JMJD1C: variants seen among roughly 807,000 people sequenced by gnomAD.
The protein encoded by JMJD1C is jumonji domain containing 1C, also known as jumonji domain-containing protein 1C.
JMJD1C carries 31 observed loss-of-function variants against 245.3 expected under a neutral mutation model. The ratio of observed to expected loss-of-function variants is 0.13; its 90% CI spans 0.09 to 0.17. The LOEUF (loss-of-function observed/expected upper bound fraction) is 0.17. Ranked by LOEUF, JMJD1C falls within the 10% of genes least tolerant of loss-of-function variation. The pLI, the probability that JMJD1C is intolerant of heterozygous loss-of-function variation, is 1.00. For missense variants in JMJD1C, 2,691 were observed against 3,000.2 expected, an observed-to-expected ratio of 0.90 and a Z score of 2.41; for synonymous variants, 1,057 against 1,017.4, an observed-to-expected ratio of 1.04 and a Z score of -0.74.
At chr10:63,169,977 TAC>T (rs758658159) in intron 24 of JMJD1C, among the ~76,000 whole-genome samples, 1 of 152,160 alleles carries the variant, frequency 6.6e-6, no homozygotes, top group Non-Finnish European at 1.5e-5. Flanking sequence ...CATACCAGCA[TAC>T]AGAGTCTCCA....
chr10:63,305,459 C>CCTCTCTCT (rs371564275), intron 2 of JMJD1C, among the ~76,000 whole-genome samples: 3,128 of 112,986 alleles, frequency 0.028, 175 homozygotes, highest in Non-Finnish European at 0.036. Context: ...ACGCTCTGAC[C>CCTCTCTCT]CTCTCTCTCT....
intron 2 of JMJD1C, among the ~76,000 whole-genome samples, chr10:63,371,359 A>G (rs1946304610): frequency 1.3e-5 from 2 of 152,126 alleles, no homozygotes; most frequent in African/African-American, 4.8e-5. Flanking sequence ...ACATTTTCCT[A>G]AAGTATGTAC....
chr10:63,322,901 AATT>A (rs1941072794), intron 2 of JMJD1C, among the ~76,000 whole-genome samples: 1 of 151,254 alleles, frequency 6.6e-6, no homozygotes. Context: ...ATATTAATGT[AATT>A]AATATATATT....
chr10:63,337,371 G>A (rs1212622325), intron 2 of JMJD1C, among the ~76,000 whole-genome samples: 1 of 142,528 alleles, frequency 7.0e-6, no homozygotes, highest in Non-Finnish European at 1.5e-5. Context: ...GAAACTGGGA[G>A]GCAAACCTTG....
chr10:63,338,394 A>T (rs937078038), intron 2 of JMJD1C, among the ~76,000 whole-genome samples: 1 of 151,816 alleles, frequency 6.6e-6, no homozygotes, highest in African/African-American at 2.4e-5. Context: ...TCAGCCTCCC[A>T]AAGTACTGGG....
intron 2 of JMJD1C, among the ~76,000 whole-genome samples, chr10:63,315,578 C>T (rs954607410): frequency 2.0e-5 from 3 of 152,022 alleles, no homozygotes; most frequent in African/African-American, 7.2e-5. Context: ...GTGGCTCATG[C>T]CTATAATCCC....
rs140084670 is a variant in JMJD1C, at chr10:63,472,112, A to G, written n.113+49626T>C. On this transcript the variant is annotated intron_variant and non_coding_transcript_variant, in intron 1 of 3. Coordinates refer to the JMJD1C transcript ENST00000633035. Reference sequence around the variant, plus strand: ...TGGAAGAATTTTTGCAATGTTCTACATTACAAATAAACTTTTGAATTGACA... The same window carrying G: ...TGGAAGAATTTTTGCAATGTTCTACGTTACAAATAAACTTTTGAATTGACA... 2.4e-3 allele frequency among the ~76,000 whole-genome samples: 366 copies of G among 152,286 alleles called. 3 individuals carry two copies. In the South Asian group the frequency reaches 0.029, roughly 12 times the overall value.
At chr10:63,517,234 C>T (rs1169221143) in intron 1 of JMJD1C, among the ~76,000 whole-genome samples, 1 of 152,194 alleles carries the variant, frequency 6.6e-6, no homozygotes, top group Non-Finnish European at 1.5e-5. Flanking sequence ...ACTACCTGCT[C>T]TCCTAGGTAC....
intron 1 of JMJD1C, among the ~76,000 whole-genome samples, chr10:63,398,333 AAGTCATTTCTCCCATAC>A (rs1948634187): frequency 6.6e-6 from 1 of 152,112 alleles, no homozygotes; most frequent in African/African-American, 2.4e-5. Flanking sequence ...TAAAGAAATA[AAGTCATTTCTCCCATAC>A]AGCCTTCAAT....
intron 1 of JMJD1C, among the ~76,000 whole-genome samples, chr10:63,461,618 C>G (rs545570623): frequency 6.6e-6 from 1 of 152,260 alleles, no homozygotes; most frequent in East Asian, 1.9e-4. Flanking sequence ...AGTTTAAACT[C>G]TTCATTCCCA....
intron 22 of JMJD1C, among the ~76,000 whole-genome samples, chr10:63,182,740 C>T (rs983853109): frequency 6.6e-6 from 1 of 151,312 alleles, no homozygotes; most frequent in African/African-American, 2.5e-5. Context: ...GAGAAAAGAC[C>T]CCCTTCTTCC....
chr10:63,271,467 C>G (rs1856289099), intron 2 of JMJD1C, among the ~76,000 whole-genome samples: 1 of 152,128 alleles, frequency 6.6e-6, no homozygotes, highest in Non-Finnish European at 1.5e-5. Context: ...CGTGAGCCAC[C>G]ATGCCCGGAT....
At chr10:63,180,515 G>A (rs995430648) in intron 22 of JMJD1C, among the ~76,000 whole-genome samples, 1 of 152,194 alleles carries the variant, frequency 6.6e-6, no homozygotes, top group East Asian at 1.9e-4. Context: ...CTGTGACAAA[G>A]TCTTTTCCCA....
intron 22 of JMJD1C, among the ~76,000 whole-genome samples, chr10:63,180,725 CCCAAGTAGCTAGGATTACAGG>C (rs892616040): frequency 6.6e-6 from 1 of 152,012 alleles, no homozygotes; most frequent in Non-Finnish European, 1.5e-5. Context: ...GCCTCAGCCT[CCCAAGTAGCTAGGATTACAGG>C]CATACACCAC....
chr10:63,417,068 T>A (rs1053636788), intron 1 of JMJD1C, among the ~76,000 whole-genome samples: 3 of 152,194 alleles, frequency 2.0e-5, no homozygotes, highest in Admixed American at 6.5e-5. Context: ...AAACTAAACT[T>A]GTCACAGGAT....
At chr10:63,291,631 C>T (rs1368510083) in intron 2 of JMJD1C, among the ~76,000 whole-genome samples, 1 of 140,956 alleles carries the variant, frequency 7.1e-6, no homozygotes, top group African/African-American at 2.7e-5. Context: ...AAAAAAAAAC[C>T]GGAAAGAAAC....
chr10:63,349,180 G>C (rs1367014471), intron 2 of JMJD1C, among the ~76,000 whole-genome samples: 5 of 142,616 alleles, frequency 3.5e-5, no homozygotes, highest in African/African-American at 1.3e-4. Flanking sequence ...ACTATAAAAG[G>C]AAGCTCCCCA....
intron 2 of JMJD1C, among the ~76,000 whole-genome samples, chr10:63,340,523 G>C (rs778459685): frequency 6.6e-6 from 1 of 152,198 alleles, no homozygotes; most frequent in Non-Finnish European, 1.5e-5. Flanking sequence ...TAAAAAGAGA[G>C]AAGGCATTTA....
At chr10:63,359,470 A>C (rs1361726722) in intron 2 of JMJD1C, among the ~76,000 whole-genome samples, 5 of 152,204 alleles carry the variant, frequency 3.3e-5, no homozygotes, top group African/African-American at 1.2e-4. Flanking sequence ...ATTTTTGTAG[A>C]ACTGGTTTTA....
Sources: gnomAD v4.1 joint callset for allele counts (sites outside exome capture counted in the v4.1 genomes callset) on GRCh38, gnomAD v4.1.1 for gene constraint, MANE v1.5 for transcripts, NCBI Gene and HGNC (gene_info 2026-07-23, HGNC 2026-07-21) for gene names.